The following AKAP8 variants were observed in gnomAD, a reference collection of about 807,000 sequenced individuals.
The protein encoded by AKAP8 is A-kinase anchoring protein 8.
A neutral mutation model predicts 67.5 loss-of-function variants in AKAP8; 24 were observed. The observed-to-expected ratio is 0.36, with a 90% confidence interval of 0.26 to 0.50. The LOEUF (loss-of-function observed/expected upper bound fraction) is 0.50. Among genes scored for constraint, AKAP8 ranks in the 20% least tolerant of loss-of-function variants. The pLI is 0.97. For missense variants in AKAP8, 971 were observed against 955.9 expected, an observed-to-expected ratio of 1.02 and a Z score of -0.21; for synonymous variants, 400 against 371.1, an observed-to-expected ratio of 1.08 and a Z score of -0.90.
At chr19:15,376,375 C>T (rs893941443) in intron 2 of AKAP8, among the ~76,000 whole-genome samples, 1 of 152,078 alleles carries the variant, frequency 6.6e-6, no homozygotes, top group Non-Finnish European at 1.5e-5. Context: ...ATTAGCTGGG[C>T]GCAGTGGTGG....
Position 15,361,722 on chromosome 19 carries a change from A to C in AKAP8, c.1396+7T>G, listed in dbSNP as rs199968502. ...AGGAAAGCACTCATCCTGGGATGAC[A>C]ACTCACCTTTGAAAGGATCTGGTTT... On this transcript the variant is annotated splice_region_variant and intron_variant, in intron 11 of 13. Transcript: ENST00000269701. 6.2e-7 allele frequency: 1 copy of C among 1,607,896 alleles called. No individual in the cohort carries two copies. Among genetic ancestry groups the C allele is most frequent in the Admixed American group, 1.7e-5 (1 of 59,998 alleles).
rs1230041707 is a variant in AKAP8 at position 15,374,493 on chromosome 19, G to A, written c.91+110C>T. 20 of 1,334,924 alleles carry A rather than the reference G, an allele frequency of 1.5e-5. No individual in the cohort carries two copies. In the Admixed American group the frequency reaches 2.5e-4, roughly 17 times the overall value. The allele number at this position is 1,334,924 out of a possible 1,614,324, so 82.7% of individuals were successfully genotyped here. A position where few individuals can be genotyped will look rare whatever the true frequency, so the allele number is the denominator to read the frequency against. ...CAGCCGTGGCTGACTGCGTCCTCAGGAACAGAGCCAGAAAGTCCACGCCAG... is the reference window on the plus strand; with the variant it reads ...CAGCCGTGGCTGACTGCGTCCTCAGAAACAGAGCCAGAAAGTCCACGCCAG... On this transcript the variant is annotated intron_variant, in intron 3 of 13. Transcript: ENST00000269701.
chr19:15,363,567 C>T (rs549750575), intron 9 of AKAP8, among the ~76,000 whole-genome samples: 3 of 150,534 alleles, frequency 2.0e-5, no homozygotes, highest in South Asian at 2.1e-4. Flanking sequence ...CCAGCCGCCC[C>T]GTCCAGGAGG....
chr19:15,355,986 T>G (rs1030911966), intron 13 of AKAP8, among the ~76,000 whole-genome samples: 41 of 152,116 alleles, frequency 2.7e-4, no homozygotes, highest in Non-Finnish European at 3.4e-4. Context: ...TCCGCCTGCC[T>G]TGGCCTCCCA....
intron 12 of AKAP8, among the ~76,000 whole-genome samples, chr19:15,360,166 A>G (rs1380710713): frequency 6.6e-6 from 1 of 151,998 alleles, no homozygotes; most frequent in Non-Finnish European, 1.5e-5. Context: ...ACGTAAACCA[A>G]AAAACCAAAA....
intron 9 of AKAP8, among the ~76,000 whole-genome samples, chr19:15,364,122 A>AAAAAAAAAG (rs1451154955): frequency 6.9e-6 from 1 of 144,916 alleles, no homozygotes; most frequent in Non-Finnish European, 1.5e-5. Flanking sequence ...AAAAAAAAAA[A>AAAAAAAAAG]AAAGAAACAG....
At position 15,369,848 on chromosome 19, in the gene AKAP8, G is replaced by A. The variant is rs1205975990; in HGVS notation, c.1072+298C>T. On this transcript the variant is annotated intron_variant, in intron 8 of 13. Coordinates refer to ENST00000269701, the MANE Select transcript of AKAP8 (RefSeq NM_005858.4). The surrounding 1 kb of genome is among the most constrained non-coding windows in gnomAD (Gnocchi z 4.6). ...ATGGGCTGGGGGCCTCTTCTCTCAT[G>A]TTTCTCCTTCCCTACAAACTTCGAC... Among the ~76,000 whole-genome samples the A allele has an allele frequency of 6.6e-6, 1 of 152,210 alleles. No homozygotes were observed. The highest frequency in any genetic ancestry group is 1.5e-5 in the Non-Finnish European group (1 of 68,024).
In AKAP8 at chr19:15,373,334, G is replaced by C. The variant is rs1281127140; in HGVS notation, c.378C>G (p.Phe126Leu). 1.2e-6 allele frequency: 2 copies of C among 1,605,628 alleles called. No individual in the cohort carries two copies. ...CATAGGACTCGAACGGCTGGAAGCG[G>C]AAGGAGCTGCAACAGAAGCACAGCC... ...GEGIQDRESS[F>L]RFQPFESYDS... The change falls in exon 5 of 14, where the codon TTC becomes TTG. Residue 126 changes from phenylalanine (F) to leucine (L), a missense_variant. Phe to Leu is a conservative substitution (Grantham distance 22). Coordinates refer to ENST00000269701, the MANE Select transcript of AKAP8 (RefSeq NM_005858.4).
intron 12 of AKAP8, 52 bp from the exon 13 acceptor site, chr19:15,359,114 A>G: frequency 6.6e-7 from 1 of 1,526,350 alleles, no homozygotes; most frequent in Non-Finnish European, 9.1e-7. Context: ...ATTAAGGAAG[A>G]GAATAAACCA....
chr19:15,355,390 C>T lies in AKAP8; in HGVS notation c.1624-20G>A, dbSNP rs376225309. On this transcript the variant is annotated intron_variant, in intron 13 of 13. Transcript: ENST00000269701. ...CTCACCCTGGCCAAAGAGGAAACAC[C>T]GGTCAGCGTGGTGTAAGCAGAGCTC... The T allele has an allele frequency of 3.0e-5, 48 of 1,599,810 alleles. No homozygotes were observed. Among genetic ancestry groups the T allele is most frequent in the Admixed American group, 2.0e-4 (12 of 59,406 alleles).
chr19:15,355,524 T>A (rs1391179504), intron 13 of AKAP8, among the ~76,000 whole-genome samples, 154 bp from the exon 14 acceptor site: 3 of 151,658 alleles, frequency 2.0e-5, no homozygotes, highest in Non-Finnish European at 4.4e-5. Context: ...TCTCAGAGCC[T>A]ACAGATTCAG....
chr19:15,369,291 C>G lies in AKAP8; in HGVS notation c.1072+855G>C. The G allele has an allele frequency of 1.0e-6, 1 of 984,552 alleles. No homozygotes were observed. Among genetic ancestry groups the G allele is most frequent in the Non-Finnish European group, 1.2e-6 (1 of 829,090 alleles). 61.0% of individuals were successfully genotyped at this position (984,552 alleles called of 1,614,324 possible). A position where few individuals can be genotyped will look rare whatever the true frequency, so the allele number is the denominator to read the frequency against. ...CGCTAAGCGCTCGGGGCGCCCCGTG[C>G]TATGGACAGGACTGCTGCGGGTCGC... is the stretch of plus-strand genomic sequence containing the variant. On this transcript the variant is annotated intron_variant, in intron 8 of 13. Coordinates refer to ENST00000269701, the MANE Select transcript of AKAP8 (RefSeq NM_005858.4). This position sits in a 1 kb window ranked among gnomAD's most constrained non-coding sequence, Gnocchi z 4.6.
chr19:15,364,952 T>G (rs1967045789), intron 9 of AKAP8, among the ~76,000 whole-genome samples: 1 of 152,212 alleles, frequency 6.6e-6, no homozygotes, highest in African/African-American at 2.4e-5. Flanking sequence ...GAGTTCCGAC[T>G]TCCCAAAGGG....
In AKAP8 at chr19:15,373,905, T is replaced by A; in HGVS notation, c.252A>T (p.Pro84=). 1 of 1,613,764 alleles carries A rather than the reference T, an allele frequency of 6.2e-7. No individual in the cohort carries two copies. The highest frequency in any genetic ancestry group is 1.7e-4 in the Middle Eastern group (1 of 5,788). Reference sequence around the variant, plus strand: ...TGAGGGAGTCGGAATTGTCGGTGCATGGCTCTGGGCCGTAAGAGGCCATGT... The same window carrying A: ...TGAGGGAGTCGGAATTGTCGGTGCAAGGCTCTGGGCCGTAAGAGGCCATGT... ...AMHMASYGPE[P]CTDNSDSLIA... is the part of the protein sequence containing the mutation. Residue 84 remains proline (P), a synonymous_variant, in exon 4 of 14, where the codon CCA becomes CCT. Coordinates refer to ENST00000269701, the MANE Select transcript of AKAP8 (RefSeq NM_005858.4).
intron 11 of AKAP8, 190 bp downstream of exon 11, chr19:15,361,539 A>G: frequency 7.9e-6 from 4 of 507,820 alleles, no homozygotes; most frequent in Non-Finnish European, 1.4e-5. Context: ...TTTTTAGTAG[A>G]GACGGGGTTT....
At chr19:15,360,444 A>G (rs1229861322) in intron 12 of AKAP8, among the ~76,000 whole-genome samples, 1 of 152,224 alleles carries the variant, frequency 6.6e-6, no homozygotes, top group Non-Finnish European at 1.5e-5. Flanking sequence ...TTTTTCCAGC[A>G]TCTTCAACAC....
chr19:15,373,836 T>C lies in AKAP8; in HGVS notation c.321A>G (p.Gly107=), dbSNP rs1568254058. 1 of 1,612,290 alleles carries C rather than the reference T, an allele frequency of 6.2e-7. No individual in the cohort carries two copies. The highest frequency in any genetic ancestry group is 1.3e-5 in the African/African-American group (1 of 74,984). ...CACCGCCGCCGCTCCCGCCCCTGCC[T>C]CCTTCCTTGGACATCATGTCCAAAC... ...NQRLDMMSKE[G]GRGGSGGGGE... Residue 107 remains glycine, a synonymous_variant, in exon 4 of 14, where the codon GGA becomes GGG. Coordinates refer to ENST00000269701, the MANE Select transcript of AKAP8 (RefSeq NM_005858.4).
intron 9 of AKAP8, 138 bp downstream of exon 9, chr19:15,368,097 G>A (rs1479819614): frequency 8.6e-6 from 9 of 1,051,276 alleles, no homozygotes; most frequent in Non-Finnish European, 1.2e-5. Flanking sequence ...ATTGTTTACT[G>A]TTTTGCCTCC....
rs1335518783 is a variant in AKAP8 at position 15,363,356 on chromosome 19, G to GC, written c.1161-1106_1161-1105insG. On this transcript the variant is annotated intron_variant, in intron 9 of 13. Coordinates refer to ENST00000269701, the MANE Select transcript of AKAP8 (RefSeq NM_005858.4). ...GCCGCTCCGTCCGGGAGGGAGGTGG[G>GC]GGGGGGTCAGCCCCCCGCCCGGCCA... is the stretch of plus-strand genomic sequence containing the variant. 2.1e-5 allele frequency among the ~76,000 whole-genome samples: 3 copies of GC among 141,800 alleles called. 1 individual carries two copies. The highest frequency in any genetic ancestry group is 3.1e-5 in the Non-Finnish European group (2 of 64,582). 93.0% of individuals were successfully genotyped at this position (141,800 alleles called of 152,430 possible).
Sources: gnomAD v4.1 joint callset for allele counts (sites outside exome capture counted in the v4.1 genomes callset) on GRCh38, gnomAD v4.1.1 for gene constraint, Gnocchi (gnomAD v3.1) non-coding constraint, MANE v1.5 for transcripts, NCBI Gene and HGNC (gene_info 2026-07-23, HGNC 2026-07-21) for gene names.